Variants in DLG2 observed in about 807,000 individuals in gnomAD.
DLG2 encodes the protein discs large MAGUK scaffold protein 2.
DLG2 carries 45 observed loss-of-function variants against 132.5 expected under a neutral mutation model. The observed-to-expected ratio is 0.34, with a 90% CI of 0.27 to 0.44. The LOEUF (loss-of-function observed/expected upper bound fraction) is 0.44. DLG2 is among the 20% of genes least tolerant of loss of function. DLG2 has a pLI of 1.00. For missense variants in DLG2, 1,045 were observed against 1,196.9 expected, an observed-to-expected ratio of 0.87 and a Z score of 1.87; for synonymous variants, 424 against 419.6, an observed-to-expected ratio of 1.01 and a Z score of -0.13.
chr11:84,948,404 T>C (rs570622647), intron 6 of DLG2, among the ~76,000 whole-genome samples: 2 of 152,326 alleles, frequency 1.3e-5, no homozygotes, highest in East Asian at 1.9e-4. Context: ...ATGGCAGTCA[T>C]GTGGAAAAGT....
At chr11:83,978,475 G>T (rs934047450) in intron 12 of DLG2, among the ~76,000 whole-genome samples, 1 of 152,046 alleles carries the variant, frequency 6.6e-6, no homozygotes, top group African/African-American at 2.4e-5. Flanking sequence ...ATTCCAGAAA[G>T]AAGTTGTTCA....
chr11:84,741,179 G>A (rs948893354), intron 6 of DLG2, among the ~76,000 whole-genome samples: 7 of 144,376 alleles, frequency 4.8e-5, no homozygotes, highest in Non-Finnish European at 1.0e-4. Context: ...CCATTCTCCT[G>A]CCTCAGCCTC....
chr11:83,600,718 T>C (rs1020208022), intron 19 of DLG2, among the ~76,000 whole-genome samples: 3 of 152,200 alleles, frequency 2.0e-5, no homozygotes, highest in Admixed American at 6.5e-5. Context: ...ACTCCTACCT[T>C]TCCTAAAGCC....
chr11:85,407,511 G>T (rs776425029), intron 3 of DLG2, among the ~76,000 whole-genome samples: 9 of 151,820 alleles, frequency 5.9e-5, no homozygotes, highest in Non-Finnish European at 1.2e-4. Context: ...GTCAGACCCT[G>T]TTCTATCATA....
intron 6 of DLG2, among the ~76,000 whole-genome samples, chr11:84,903,576 G>C (rs1346527076): frequency 2.0e-5 from 3 of 152,118 alleles, no homozygotes; most frequent in African/African-American, 7.2e-5. Flanking sequence ...GTTGAATCAA[G>C]TAATGTACAC....
At position 85,533,476 on chromosome 11, in the gene DLG2, T is replaced by TATATATATATATATAA. The variant is rs1233917527; in HGVS notation, c.40+65180_40+65181insTTATATATATATATAT. On this transcript the variant is annotated intron_variant, in intron 3 of 27. Transcript: ENST00000376104. Reference sequence around the variant, plus strand: ...TAAAATACATATATATATATATATATAATTCTTTTTAATAGCTGAATAGCA... The same window carrying TATATATATATATATAA: ...TAAAATACATATATATATATATATATATATATATATATATAAAATTCTTTTTAATAGCTGAATAGCA... Among the ~76,000 whole-genome samples the TATATATATATATATAA allele has an allele frequency of 8.2e-4, 122 of 148,552 alleles. 1 individual carries two copies. The highest frequency in any genetic ancestry group is 2.4e-3 in the African/African-American group (100 of 40,840).
chr11:84,728,315 GT>G (rs1237794767), intron 6 of DLG2, among the ~76,000 whole-genome samples: 1 of 152,106 alleles, frequency 6.6e-6, no homozygotes, highest in Non-Finnish European at 1.5e-5. Context: ...GTTGAATTTT[GT>G]CAAAGGTCTT....
chr11:84,060,340 T>A (rs1220947986), intron 10 of DLG2, among the ~76,000 whole-genome samples: 2 of 151,956 alleles, frequency 1.3e-5, no homozygotes, highest in Admixed American at 1.3e-4. Flanking sequence ...TAATAATAAA[T>A]TAAATAAGTC....
At chr11:85,393,836 T>C (rs1000119589) in intron 3 of DLG2, among the ~76,000 whole-genome samples, 5 of 152,052 alleles carry the variant, frequency 3.3e-5, no homozygotes, top group Admixed American at 1.3e-4. Flanking sequence ...ATGTTCTCAC[T>C]CATAAATGGA....
At chr11:84,859,593 A>G (rs2083339488) in intron 6 of DLG2, among the ~76,000 whole-genome samples, 1 of 151,594 alleles carries the variant, frequency 6.6e-6, no homozygotes, top group African/African-American at 2.4e-5. Context: ...AATGCTAGAT[A>G]ATAATGAATT....
chr11:85,585,360 T>C (rs1471351743), intron 3 of DLG2, among the ~76,000 whole-genome samples: 1 of 152,174 alleles, frequency 6.6e-6, no homozygotes, highest in Non-Finnish European at 1.5e-5. Context: ...CTTTGGTCTA[T>C]ATGAGCCCTA....
intron 3 of DLG2, among the ~76,000 whole-genome samples, chr11:85,324,815 G>C (rs1016010434): frequency 3.3e-5 from 5 of 151,998 alleles, no homozygotes; most frequent in African/African-American, 1.2e-4. Context: ...CTCCCAGCGT[G>C]AGCGACGCAG....
intron 3 of DLG2, among the ~76,000 whole-genome samples, chr11:85,462,406 G>A (rs1015377361): frequency 2.0e-5 from 3 of 152,174 alleles, no homozygotes; most frequent in Non-Finnish European, 4.4e-5. Flanking sequence ...CAACCCATAT[G>A]TCCGACAATG....
At chr11:85,426,164 C>A (rs181636370) in intron 3 of DLG2, among the ~76,000 whole-genome samples, 1 of 152,182 alleles carries the variant, frequency 6.6e-6, no homozygotes, top group South Asian at 2.1e-4. Flanking sequence ...TAGAGCCCAC[C>A]GCAGCTCAAG....
At chr11:84,356,128 C>G (rs1300287623) in intron 7 of DLG2, among the ~76,000 whole-genome samples, 1 of 152,098 alleles carries the variant, frequency 6.6e-6, no homozygotes, top group African/African-American at 2.4e-5. Flanking sequence ...AAGATAAATG[C>G]TTCAGACTCA....
intron 3 of DLG2, among the ~76,000 whole-genome samples, chr11:85,582,343 G>A (rs2078579114): frequency 1.3e-5 from 2 of 152,064 alleles, no homozygotes; most frequent in African/African-American, 4.8e-5. Flanking sequence ...ACGTTTTAAA[G>A]TGAGATGTTA....
At chr11:85,526,322 A>T (rs942544674) in intron 3 of DLG2, among the ~76,000 whole-genome samples, 1 of 152,320 alleles carries the variant, frequency 6.6e-6, no homozygotes, top group East Asian at 1.9e-4. Context: ...CCTTATATAG[A>T]GGAACAAAGA....
intron 3 of DLG2, among the ~76,000 whole-genome samples, chr11:85,436,505 G>A (rs1275038427): frequency 1.3e-5 from 2 of 152,056 alleles, no homozygotes; most frequent in Non-Finnish European, 2.9e-5. Flanking sequence ...CAAAAGATAT[G>A]AACAGATGCT....
chr11:84,778,454 A>G (rs1222965025), intron 6 of DLG2, among the ~76,000 whole-genome samples: 1 of 152,128 alleles, frequency 6.6e-6, no homozygotes, highest in Non-Finnish European at 1.5e-5. Flanking sequence ...TGATTCCATA[A>G]AATTTTTAAA....
Sources: gnomAD v4.1 joint callset for allele counts (sites outside exome capture counted in the v4.1 genomes callset) on GRCh38, gnomAD v4.1.1 for gene constraint, MANE v1.5 for transcripts, NCBI Gene and HGNC (gene_info 2026-07-23, HGNC 2026-07-21) for gene names.